RIT2: variants seen among roughly 807,000 people sequenced by gnomAD.
The protein encoded by RIT2 is Ras like without CAAX 2.
RIT2 carries 24 observed loss-of-function variants against 23.7 expected under a neutral mutation model. The ratio of observed to expected loss-of-function variants is 1.01; its 90% confidence interval spans 0.73 to 1.43. The LOEUF is 1.43. Among genes scored for constraint, RIT2 ranks in the 40% most tolerant of loss-of-function variants. The probability of loss-of-function intolerance (pLI) is 0.00; values close to 1 mark genes in which losing one functional copy is unlikely to be tolerated. For missense variants in RIT2, 236 were observed against 266.9 expected (o/e 0.88, Z 0.81); for synonymous variants, 107 against 91.1 (o/e 1.17, Z -0.99).
At chr18:42,984,039 CCTGA>C (rs1910653871) in intron 2 of RIT2, among the ~76,000 whole-genome samples, 2 of 152,006 alleles carry the variant, frequency 1.3e-5, no homozygotes, top group African/African-American at 4.8e-5. Context: ...CAAGTGCACT[CCTGA>C]GCATTTATTT....
At chr18:42,790,249 A>G (rs1255087006) in intron 4 of RIT2, among the ~76,000 whole-genome samples, 3 of 152,182 alleles carry the variant, frequency 2.0e-5, no homozygotes. Context: ...AATTTAGACA[A>G]TCTGAGATAT....
chr18:43,001,079 A>ATTTC (rs1911093840), intron 2 of RIT2, among the ~76,000 whole-genome samples: 1 of 151,816 alleles, frequency 6.6e-6, no homozygotes, highest in Non-Finnish European at 1.5e-5. Flanking sequence ...CATCTATTTC[A>ATTTC]TTTCTTTCAT....
chr18:42,801,499 G>A (rs1598659671), intron 4 of RIT2, among the ~76,000 whole-genome samples: 1 of 152,090 alleles, frequency 6.6e-6, no homozygotes, highest in South Asian at 2.1e-4. Flanking sequence ...GACAACATCT[G>A]GGTCCTTTTT....
intron 3 of RIT2, among the ~76,000 whole-genome samples, chr18:42,958,361 C>T (rs1910021560): frequency 6.6e-6 from 1 of 152,138 alleles, no homozygotes. Flanking sequence ...CTGGTGCCTA[C>T]ACATGCATTC....
At chr18:42,910,323 C>G (rs545360205) in intron 4 of RIT2, among the ~76,000 whole-genome samples, 9 of 152,174 alleles carry the variant, frequency 5.9e-5, no homozygotes, top group Non-Finnish European at 1.2e-4. Context: ...TTAACAAACA[C>G]CACCCACTTA....
intron 2 of RIT2, among the ~76,000 whole-genome samples, chr18:43,027,128 G>GAA (rs1911751304): frequency 7.4e-6 from 1 of 135,996 alleles, no homozygotes; most frequent in Non-Finnish European, 1.5e-5. Context: ...CCTTGGACTA[G>GAA]CCTAAAGAGT....
At chr18:43,057,974 G>C (rs1328980254) in intron 1 of RIT2, among the ~76,000 whole-genome samples, 1 of 152,004 alleles carries the variant, frequency 6.6e-6, no homozygotes, top group Non-Finnish European at 1.5e-5. Flanking sequence ...AGGCACCATA[G>C]AGTGAACAAA....
At chr18:43,110,871 G>A (rs1054422510) in intron 1 of RIT2, among the ~76,000 whole-genome samples, 3 of 151,938 alleles carry the variant, frequency 2.0e-5, no homozygotes, top group African/African-American at 4.8e-5. Context: ...TATATTTAAG[G>A]TATACAATAT....
chr18:42,861,470 G>A (rs575173219), intron 4 of RIT2, among the ~76,000 whole-genome samples: 153 of 152,110 alleles, frequency 1.0e-3, no homozygotes, highest in African/African-American at 3.5e-3. Context: ...TAGTCTCATT[G>A]GGTACTTATT....
In RIT2 at chr18:43,033,791, GA is replaced by G; in HGVS notation, c.160+19del. 1.9e-6 allele frequency: 3 copies of G among 1,560,998 alleles called. No homozygotes were observed. Among genetic ancestry groups the G allele is most frequent in the Non-Finnish European group, 2.6e-6 (3 of 1,135,290 alleles). On this transcript the variant is annotated intron_variant, in intron 2 of 4. Coordinates refer to ENST00000326695, the MANE Select transcript of RIT2 (RefSeq NM_002930.4). ...CAGTGTCTTTATTTGAGCTTACGGA[GA>G]AAGGAAGCTTCCACTTACCTATAGT...
intron 2 of RIT2, among the ~76,000 whole-genome samples, chr18:43,022,255 T>G (rs1306818388): frequency 6.6e-6 from 1 of 152,068 alleles, no homozygotes; most frequent in African/African-American, 2.4e-5. Flanking sequence ...CTTTATTTTA[T>G]GGAGGTAGAG....
At chr18:42,768,075 A>G (rs1018081563) in intron 4 of RIT2, among the ~76,000 whole-genome samples, 4 of 151,240 alleles carry the variant, frequency 2.6e-5, no homozygotes, top group Non-Finnish European at 4.4e-5. Flanking sequence ...TGCATATTAT[A>G]GTATATAGCA....
At chr18:43,006,207 G>T (rs1415584550) in intron 2 of RIT2, among the ~76,000 whole-genome samples, 2 of 151,554 alleles carry the variant, frequency 1.3e-5, no homozygotes, top group African/African-American at 4.8e-5. Context: ...TATCTTAAAT[G>T]GTGCCTCTGT....
intron 4 of RIT2, among the ~76,000 whole-genome samples, chr18:42,907,069 G>A (rs1170025677): frequency 2.0e-5 from 3 of 152,108 alleles, no homozygotes; most frequent in Non-Finnish European, 2.9e-5. Context: ...AAAAATAAAA[G>A]TAAATTATGT....
intron 3 of RIT2, among the ~76,000 whole-genome samples, chr18:42,951,847 A>G (rs947503480): frequency 9.2e-5 from 14 of 152,190 alleles, no homozygotes; most frequent in African/African-American, 2.9e-4. Context: ...GCTAATAAAG[A>G]CATCCCTGAG....
At chr18:43,030,681 GT>G (rs773894938) in intron 2 of RIT2, among the ~76,000 whole-genome samples, 4 of 152,002 alleles carry the variant, frequency 2.6e-5, no homozygotes, top group African/African-American at 4.8e-5. Flanking sequence ...TTTATAGAGA[GT>G]TGGGGACAGT....
chr18:43,091,700 C>A (rs1913426818), intron 1 of RIT2, among the ~76,000 whole-genome samples: 1 of 152,018 alleles, frequency 6.6e-6, no homozygotes, highest in African/African-American at 2.4e-5. Context: ...GAAAGATGTG[C>A]TACAAAAGAA....
At chr18:42,994,147 T>A (rs1442391352) in intron 2 of RIT2, among the ~76,000 whole-genome samples, 1 of 152,096 alleles carries the variant, frequency 6.6e-6, no homozygotes, top group East Asian at 1.9e-4. Context: ...TCTTTACTAT[T>A]CCTTTGCACC....
At chr18:43,061,818 A>G (rs1347319857) in intron 1 of RIT2, among the ~76,000 whole-genome samples, 4 of 151,794 alleles carry the variant, frequency 2.6e-5, no homozygotes, top group Middle Eastern at 3.4e-3. Context: ...TGCCTTACTC[A>G]CTCTACAGCA....
Sources: gnomAD v4.1 joint callset for allele counts (sites outside exome capture counted in the v4.1 genomes callset) on GRCh38, gnomAD v4.1.1 for gene constraint, MANE v1.5 for transcripts, NCBI Gene and HGNC (gene_info 2026-07-23, HGNC 2026-07-21) for gene names.